SLC36A1: variants seen among roughly 807,000 people sequenced by gnomAD.
The protein encoded by SLC36A1 is solute carrier family 36 member 1.
In SLC36A1, 30 loss-of-function variants were observed where a neutral mutation model predicts 47.5. That is an observed-to-expected ratio of 0.63 (90% CI 0.47 to 0.86). SLC36A1 has a LOEUF of 0.86. SLC36A1 is among the 40% of genes least tolerant of loss of function. The pLI is 0.00. For synonymous variants in SLC36A1, 255 were observed against 249.7 expected, an observed-to-expected ratio of 1.02 and a Z score of -0.20; for missense variants, 517 against 606.0, an observed-to-expected ratio of 0.85 and a Z score of 1.54.
the SLC36A1 span, chr5:151,543,699 C>G: frequency 6.2e-7 from 1 of 1,614,158 alleles, no homozygotes; most frequent in East Asian, 2.2e-5. Flanking sequence ...CTGGGCTGTA[C>G]TTGTTGGCAT....
At chr5:151,376,773 C>A in the SLC36A1 span, among the ~76,000 whole-genome samples, 2 of 152,150 alleles carry the variant, frequency 1.3e-5, no homozygotes, top group African/African-American at 4.8e-5. Flanking sequence ...GCTGGGATTA[C>A]AGGCACATGC....
chr5:151,549,203 C>T, the SLC36A1 span: 1 of 1,207,018 alleles, frequency 8.3e-7, no homozygotes, highest in Non-Finnish European at 1.2e-6. Context: ...GAGCTTGGTA[C>T]TTGATTAATT....
the SLC36A1 span, chr5:151,542,592 A>G: frequency 1.2e-6 from 2 of 1,611,992 alleles, no homozygotes; most frequent in Non-Finnish European, 1.7e-6. Context: ...CAAAGAGCTC[A>G]TGGACATTGC....
At chr5:151,550,231 C>T in the SLC36A1 span, among the ~76,000 whole-genome samples, 1 of 152,182 alleles carries the variant, frequency 6.6e-6, no homozygotes, top group South Asian at 2.1e-4. Context: ...CCTTGCTGGC[C>T]TGACCCTAGT....
chr5:151,377,535 G>A, the SLC36A1 span, among the ~76,000 whole-genome samples: 9 of 151,362 alleles, frequency 5.9e-5, no homozygotes, highest in Middle Eastern at 3.4e-3. Flanking sequence ...TTTTAGTAGA[G>A]ACGGGGTTTC....
At chr5:151,391,980 C>T in the SLC36A1 span, among the ~76,000 whole-genome samples, 23 of 152,094 alleles carry the variant, frequency 1.5e-4, no homozygotes, top group African/African-American at 5.1e-4. Flanking sequence ...AGGAATGGTA[C>T]CAGCTCCTTG....
At chr5:151,398,849 A>G in the SLC36A1 span, among the ~76,000 whole-genome samples, 2 of 152,146 alleles carry the variant, frequency 1.3e-5, no homozygotes, top group African/African-American at 4.8e-5. Context: ...TTATCTGTGC[A>G]TGGGTGTGGG....
chr5:151,471,660 G>A (rs373449539), intron 7 of SLC36A1, among the ~76,000 whole-genome samples: 22 of 152,232 alleles, frequency 1.4e-4, no homozygotes, highest in African/African-American at 5.1e-4. Context: ...TCTTACAAAG[G>A]GATCTAACAG....
intron 1 of SLC36A1, chr5:151,452,554 TC>T (rs1753803719): frequency 6.6e-6 from 1 of 152,180 alleles, no homozygotes; most frequent in African/African-American, 2.4e-5. Flanking sequence ...TTTATATAAA[TC>T]TACCTATAAT....
At chr5:151,531,924 G>A in the SLC36A1 span, 2 of 1,614,106 alleles carry the variant, frequency 1.2e-6, no homozygotes, top group African/African-American at 1.3e-5. The surrounding 1 kb of genome is among the most constrained non-coding windows in gnomAD (Gnocchi z 5.7). Context: ...TGGAAAAGTG[G>A]CCTTCGGCTG....
the SLC36A1 span, chr5:151,381,039 T>C: frequency 2.5e-6 from 1 of 394,098 alleles, no homozygotes; most frequent in Non-Finnish European, 5.0e-6. Flanking sequence ...AGGCGGGAGG[T>C]GTCAGTGGAC....
downstream of SLC36A1, among the ~76,000 whole-genome samples, chr5:151,494,342 T>G (rs1475922764): frequency 6.6e-6 from 1 of 152,234 alleles, no homozygotes; most frequent in East Asian, 1.9e-4. Flanking sequence ...AATTTACCTT[T>G]TTCAAATGTG....
chr5:151,517,823 G>A, the SLC36A1 span: 1 of 1,593,132 alleles, frequency 6.3e-7, no homozygotes. Flanking sequence ...TGAGCCCTTG[G>A]ACTGACTTTG....
chr5:151,360,484 G>A, the SLC36A1 span, among the ~76,000 whole-genome samples: 1 of 152,116 alleles, frequency 6.6e-6, no homozygotes, highest in Non-Finnish European at 1.5e-5. Context: ...AGGCTGAGGA[G>A]GAGGAGGAAA....
the SLC36A1 span, chr5:151,554,615 C>A: frequency 6.2e-7 from 1 of 1,614,004 alleles, no homozygotes; most frequent in Non-Finnish European, 8.5e-7. Flanking sequence ...GTCCAAGATG[C>A]CTACCACCAC....
chr5:151,513,634 T>TATCA, the SLC36A1 span, among the ~76,000 whole-genome samples: 1 of 152,092 alleles, frequency 6.6e-6, no homozygotes, highest in Admixed American at 6.6e-5. Context: ...AAAAACTACC[T>TATCA]ATCAGGAACT....
the SLC36A1 span, among the ~76,000 whole-genome samples, chr5:151,423,966 A>G: frequency 1.5e-5 from 2 of 136,174 alleles, no homozygotes; most frequent in Admixed American, 1.4e-4. Context: ...AATACGATCT[A>G]TTAAAAAACA....
At chr5:151,388,797 C>T in the SLC36A1 span, among the ~76,000 whole-genome samples, 1 of 152,094 alleles carries the variant, frequency 6.6e-6, no homozygotes, top group Non-Finnish European at 1.5e-5. Flanking sequence ...AATAACTCGG[C>T]CTCTACCTCT....
chr5:151,458,328 A>ACATACACTTGTG (rs1476786861), intron 1 of SLC36A1, among the ~76,000 whole-genome samples: 4 of 101,842 alleles, frequency 3.9e-5, no homozygotes, highest in African/African-American at 1.4e-4. Flanking sequence ...ATATATATAT[A>ACATACACTTGTG]TATATGGGAT....
Sources: gnomAD v4.1 joint callset for allele counts (sites outside exome capture counted in the v4.1 genomes callset) on GRCh38, gnomAD v4.1.1 for gene constraint, Gnocchi (gnomAD v3.1) non-coding constraint, MANE v1.5 for transcripts, NCBI Gene and HGNC (gene_info 2026-07-23, HGNC 2026-07-21) for gene names.